Variants in TMEM131 observed in about 807,000 individuals in gnomAD.
TMEM131 encodes the protein 2610524E03Rik.
A neutral mutation model predicts 211.6 loss-of-function variants in TMEM131; 66 were observed. The ratio of observed to expected loss-of-function variants is 0.31; its 90% CI spans 0.26 to 0.38. The LOEUF (loss-of-function observed/expected upper bound fraction) is 0.38, where lower values mean the gene tolerates loss of function less well. Ranked by LOEUF, TMEM131 falls within the 10% of genes least tolerant of loss-of-function variation. TMEM131 has a pLI of 1.00. For missense variants in TMEM131, 2,036 were observed against 2,299.3 expected (o/e 0.89, Z 2.34); for synonymous variants, 844 against 841.3 (o/e 1.00, Z -0.06).
intron 25 of TMEM131, among the ~76,000 whole-genome samples, chr2:97,801,527 G>C (rs919150049): frequency 2.6e-5 from 4 of 152,118 alleles, no homozygotes; most frequent in African/African-American, 4.8e-5. Flanking sequence ...TAATTACAAA[G>C]TATCCAGAAT....
rs917286939 is a variant in TMEM131, at chr2:97,756,834, G to T, written c.*265C>A. ...TGGTGAAAACGCAGTAACGGGAAAG[G>T]TTCTCAGATGTACAGGTCTTATTAG... On this transcript the variant is annotated 3_prime_UTR_variant, in exon 41 of 41. Coordinates refer to ENST00000186436, the MANE Select transcript of TMEM131 (RefSeq NM_015348.2). 2.9e-5 allele frequency: 9 copies of T among 311,046 alleles called. No homozygotes were observed. Among genetic ancestry groups the T allele is most frequent in the African/African-American group, 1.7e-4 (8 of 46,814 alleles). The allele number at this position is 311,046 out of a possible 1,614,324, so 19.3% of individuals were successfully genotyped here.
At chr2:97,844,012 T>C in intron 6 of TMEM131, 133 bp downstream of exon 6, 1 of 345,036 alleles carries the variant, frequency 2.9e-6, no homozygotes, top group Non-Finnish European at 5.5e-6. Context: ...ACTGTAAGTA[T>C]AAAAATGCTC....
intron 31 of TMEM131, among the ~76,000 whole-genome samples, chr2:97,784,175 G>A (rs1339710500): frequency 2.0e-5 from 3 of 151,996 alleles, no homozygotes; most frequent in Admixed American, 6.6e-5. Context: ...ATAACAACTA[G>A]ACAGAAAAAT....
At chr2:97,830,354 A>C (rs1682618212) in intron 11 of TMEM131, among the ~76,000 whole-genome samples, 1 of 152,194 alleles carries the variant, frequency 6.6e-6, no homozygotes, top group Admixed American at 6.5e-5. Flanking sequence ...CAAGAAGTAT[A>C]AAACTATTGC....
intron 22 of TMEM131, among the ~76,000 whole-genome samples, 173 bp downstream of exon 22, chr2:97,804,915 C>G (rs901871986): frequency 6.6e-6 from 1 of 152,158 alleles, no homozygotes; most frequent in South Asian, 2.1e-4. Flanking sequence ...TTCCAAGCAA[C>G]ATACAGTTAA....
At chr2:97,798,631 C>T (rs1013070379) in intron 25 of TMEM131, among the ~76,000 whole-genome samples, 6 of 152,202 alleles carry the variant, frequency 3.9e-5, no homozygotes, top group African/African-American at 1.4e-4. Flanking sequence ...AGCAGTTGGC[C>T]ACTGTGGAAT....
intron 11 of TMEM131, among the ~76,000 whole-genome samples, chr2:97,821,954 C>T (rs995427007): frequency 3.9e-5 from 6 of 152,066 alleles, no homozygotes; most frequent in Non-Finnish European, 5.9e-5. Context: ...TCCGGGATCC[C>T]GACAAAAAGT....
chr2:97,780,739 T>C (rs1679955224), intron 31 of TMEM131, among the ~76,000 whole-genome samples: 1 of 152,056 alleles, frequency 6.6e-6, no homozygotes, highest in Non-Finnish European at 1.5e-5. Context: ...CAATGAACAG[T>C]GGGGAAGGCA....
At chr2:97,970,189 A>C (rs1022338548) in intron 1 of TMEM131, among the ~76,000 whole-genome samples, 1 of 152,188 alleles carries the variant, frequency 6.6e-6, no homozygotes, top group Admixed American at 6.5e-5. Context: ...GAATAAATAA[A>C]ACACAGTACC....
rs1681456672 is a variant in TMEM131, at chr2:97,809,567, T to C, written c.2055+121A>G. 8.5e-6 allele frequency: 6 copies of C among 706,308 alleles called. No individual in the cohort carries two copies. The East Asian group carries it at 1.1e-4, about 13-fold the overall frequency. The allele number at this position is 706,308 out of a possible 1,614,324, so 43.8% of individuals were successfully genotyped here. A position where few individuals can be genotyped will look rare whatever the true frequency, so the allele number is the denominator to read the frequency against. On this transcript the variant is annotated intron_variant, in intron 19 of 40. Transcript: ENST00000186436. Reference sequence around the variant, plus strand: ...ACATCTTCTAAAGAACCTGGTATAATGTCTTTAAAATAAATGACTAATAAA... The same window carrying C: ...ACATCTTCTAAAGAACCTGGTATAACGTCTTTAAAATAAATGACTAATAAA...
Position 97,766,613 on chromosome 2 carries a change from A to G in TMEM131, c.4449-11T>C, listed in dbSNP as rs1270833818. 4.3e-6 allele frequency: 7 copies of G among 1,613,008 alleles called. No homozygotes were observed. The East Asian group carries it at 6.7e-5, about 15-fold the overall frequency. On this transcript the variant is annotated splice_polypyrimidine_tract_variant and intron_variant, in intron 33 of 40. Coordinates refer to ENST00000186436, the MANE Select transcript of TMEM131 (RefSeq NM_015348.2). ...GGTAGTTCTAATGAACTGAAAGACA[A>G]TCAGGGATGGAAAATACAAATTTAT...
In TMEM131 at chr2:97,809,679, T is replaced by C. The variant is rs749455924; in HGVS notation, c.2055+9A>G. On this transcript the variant is annotated intron_variant, in intron 19 of 40. Transcript: ENST00000186436. Reference sequence around the variant, plus strand: ...AGCAATAGAAAAATGTGTGTATTAATGGTCTTACTGGAAAGGAAGGTGGAA... The same window carrying C: ...AGCAATAGAAAAATGTGTGTATTAACGGTCTTACTGGAAAGGAAGGTGGAA... 6.1e-5 allele frequency: 98 copies of C among 1,604,926 alleles called. No individual in the cohort carries two copies. The highest frequency in any genetic ancestry group is 8.1e-5 in the Non-Finnish European group (95 of 1,174,482).
intron 1 of TMEM131, among the ~76,000 whole-genome samples, chr2:97,941,916 G>A (rs1002952186): frequency 1.3e-5 from 2 of 152,168 alleles, no homozygotes; most frequent in Admixed American, 6.5e-5. Flanking sequence ...AGACAGTGGG[G>A]CGATTCCTCA....
At chr2:97,882,806 A>G (rs1674991775) in intron 4 of TMEM131, among the ~76,000 whole-genome samples, 1 of 152,108 alleles carries the variant, frequency 6.6e-6, no homozygotes, top group Non-Finnish European at 1.5e-5. Flanking sequence ...CCTGCCTGCA[A>G]CCCCTACTTC....
chr2:97,798,083 T>C (rs145514935), intron 25 of TMEM131, among the ~76,000 whole-genome samples: 3 of 152,386 alleles, frequency 2.0e-5, no homozygotes, highest in African/African-American at 4.8e-5. Context: ...CCAATTCCTA[T>C]ACATTTCTCC....
At chr2:97,808,825 A>G (rs1681425590) in intron 19 of TMEM131, among the ~76,000 whole-genome samples, 1 of 152,190 alleles carries the variant, frequency 6.6e-6, no homozygotes, top group South Asian at 2.1e-4. Context: ...TGTCTAGAGG[A>G]GTCAAGAAAT....
chr2:97,886,686 A>C (rs1675172947), intron 4 of TMEM131, among the ~76,000 whole-genome samples: 1 of 152,072 alleles, frequency 6.6e-6, no homozygotes, highest in Admixed American at 6.5e-5. Context: ...GCAGCTTGGA[A>C]TCTGGCCAAC....
chr2:97,892,698 T>C (rs1675431578), intron 3 of TMEM131, among the ~76,000 whole-genome samples: 1 of 152,168 alleles, frequency 6.6e-6, no homozygotes, highest in South Asian at 2.1e-4. Context: ...TTTTGGTATT[T>C]TAAAGCTTTG....
chr2:97,809,658 A>T, intron 19 of TMEM131, 30 bp downstream of exon 19: 1 of 1,553,038 alleles, frequency 6.4e-7, no homozygotes, highest in Non-Finnish European at 8.8e-7. Flanking sequence ...AAAACGAGCA[A>T]TAGAAAAATG....
Sources: gnomAD v4.1 joint callset for allele counts (sites outside exome capture counted in the v4.1 genomes callset) on GRCh38, gnomAD v4.1.1 for gene constraint, MANE v1.5 for transcripts, NCBI Gene and HGNC (gene_info 2026-07-23, HGNC 2026-07-21) for gene names.